AGBL1: variants seen among roughly 807,000 people sequenced by gnomAD.
AGBL1 encodes the protein AGBL carboxypeptidase 1.
Under a neutral mutation model 118.9 loss-of-function variants are expected in AGBL1, and 130 were observed. The ratio of observed to expected loss-of-function variants is 1.09; its 90% CI spans 0.95 to 1.26. The LOEUF (loss-of-function observed/expected upper bound fraction) is 1.26, where lower values mean the gene tolerates loss of function less well. Among genes scored for constraint, AGBL1 ranks in the 50% most tolerant of loss-of-function variants. The pLI is 0.00. For missense variants in AGBL1, 1,584 were observed against 1,298.1 expected (o/e 1.22, Z -3.38); for synonymous variants, 555 against 478.9 (o/e 1.16, Z -2.08).
intron 22 of AGBL1, among the ~76,000 whole-genome samples, chr15:86,757,644 G>A (rs910212237): frequency 1.4e-4 from 21 of 152,200 alleles, no homozygotes; most frequent in African/African-American, 5.1e-4. Flanking sequence ...ATGACAAATG[G>A]TCTTGTCTCT....
chr15:86,801,554 A>G (rs1338693427), intron 22 of AGBL1, among the ~76,000 whole-genome samples: 1 of 152,104 alleles, frequency 6.6e-6, no homozygotes, highest in Non-Finnish European at 1.5e-5. Context: ...GAAGTCTCAT[A>G]AAGGAAGATA....
At chr15:86,814,848 AG>A (rs1432547529) in intron 22 of AGBL1, among the ~76,000 whole-genome samples, 1 of 152,204 alleles carries the variant, frequency 6.6e-6, no homozygotes, top group Non-Finnish European at 1.5e-5. Flanking sequence ...TCTGTAAAGT[AG>A]AGGTTAAAAA....
At position 86,240,072 on chromosome 15, in the gene AGBL1, T is replaced by C. The variant is rs529265461; in HGVS notation, c.527-7599T>C. Among the ~76,000 whole-genome samples the C allele has an allele frequency of 1.1e-4, 17 of 152,316 alleles. No individual in the cohort carries two copies. The East Asian group carries it at 3.1e-3, about 28-fold the overall frequency. On this transcript the variant is annotated intron_variant, in intron 6 of 22. Coordinates refer to ENST00000614907, the MANE Select transcript of AGBL1 (RefSeq NM_001386094.1). ...TTGGAGTCAGATGAGGGGATTTCAT[T>C]TGAATCCTAGATATGCCACTTATAA...
chr15:86,817,785 G>T (rs1052875477), intron 22 of AGBL1, among the ~76,000 whole-genome samples: 3 of 152,042 alleles, frequency 2.0e-5, no homozygotes, highest in African/African-American at 4.8e-5. Flanking sequence ...TGCAAACAGG[G>T]TCTTTGCAGA....
intron 23 of AGBL1, among the ~76,000 whole-genome samples, chr15:86,983,453 T>G (rs2050113993): frequency 6.6e-6 from 1 of 152,184 alleles, no homozygotes; most frequent in Admixed American, 6.5e-5. Context: ...TATGACCTGG[T>G]GATGAAATAT....
intron 23 of AGBL1, among the ~76,000 whole-genome samples, chr15:86,976,821 C>T (rs972341270): frequency 2.0e-5 from 3 of 151,854 alleles, no homozygotes; most frequent in Admixed American, 6.6e-5. Flanking sequence ...TTCGTATATA[C>T]GCATATTCAC....
downstream of AGBL1, among the ~76,000 whole-genome samples, chr15:87,029,770 C>G (rs572545385): frequency 5.1e-4 from 77 of 151,894 alleles, no homozygotes; most frequent in African/African-American, 1.8e-3. Context: ...CTCACAACAG[C>G]TAATAAATGG....
chr15:86,913,046 G>A lies in AGBL1; in HGVS notation c.*5752G>A, dbSNP rs985268019. On this transcript the variant is annotated 3_prime_UTR_variant, in exon 23 of 23. Coordinates refer to ENST00000614907, the MANE Select transcript of AGBL1 (RefSeq NM_001386094.1). The stretch of plus-strand genomic sequence containing the variant: ...AAAAGAAAAAATAGAGTGGTAAAAG[G>A]GAATTTTGAGATAAAAATGGATTCT... 2 of 152,012 alleles carry A rather than the reference G, an allele frequency of 1.3e-5. No individual in the cohort carries two copies. 9.4% of individuals were successfully genotyped at this position (152,012 alleles called of 1,614,324 possible).
intron 17 of AGBL1, among the ~76,000 whole-genome samples, chr15:86,396,262 T>TATAC (rs1491267593): frequency 6.8e-4 from 93 of 137,056 alleles, no homozygotes; most frequent in African/African-American, 2.4e-3. Context: ...TATATATATA[T>TATAC]ACACACACAC....
At chr15:86,364,186 C>T (rs2080845221) in intron 17 of AGBL1, among the ~76,000 whole-genome samples, 2 of 152,106 alleles carry the variant, frequency 1.3e-5, no homozygotes, top group African/African-American at 4.8e-5. Flanking sequence ...AAATTAAATA[C>T]AGTGTGAAAT....
At position 86,515,510 on chromosome 15, in the gene AGBL1, C is replaced by A. The variant is rs139113601; in HGVS notation, c.2556-7300C>A. Among the ~76,000 whole-genome samples the A allele has an allele frequency of 2.6e-3, 401 of 152,106 alleles. 4 individuals are homozygous for A. The highest frequency in any genetic ancestry group is 9.1e-3 in the African/African-American group (376 of 41,514). ...ATTATTATAAAAATAATAATTAGTT[C>A]TTGATTTTTAAACATTGTCTTTTAT... On this transcript the variant is annotated intron_variant, in intron 18 of 22. Transcript: ENST00000614907.
chr15:86,699,099 AT>A (rs570294766), intron 22 of AGBL1, among the ~76,000 whole-genome samples: 1 of 151,732 alleles, frequency 6.6e-6, no homozygotes, highest in Non-Finnish European at 1.5e-5. Context: ...TGCCTTTCAT[AT>A]TTTTTTTAGT....
Position 86,224,917 on chromosome 15 carries a change from A to C in AGBL1, c.492A>C (p.Ala164=), listed in dbSNP as rs2078336172. ...YTRKRTQAIR[A]ATEVLAALLK... Reference sequence around the variant, plus strand: ...ACTTTTCTTTCTCTTTCCCCAGGGCAGCCACTGAAGTTTTGGCAGCATTGC... The same window carrying C: ...ACTTTTCTTTCTCTTTCCCCAGGGCCGCCACTGAAGTTTTGGCAGCATTGC... Residue 164 remains alanine (A), a synonymous_variant, in exon 6 of 23, where the codon GCA becomes GCC. Coordinates refer to ENST00000614907, the MANE Select transcript of AGBL1 (RefSeq NM_001386094.1). The C allele has an allele frequency of 6.2e-6, 10 of 1,613,442 alleles. No individual in the cohort carries two copies. The highest frequency in any genetic ancestry group is 5.1e-6 in the Non-Finnish European group (6 of 1,179,540).
chr15:86,089,926 C>T (rs1416588060), intron 1 of AGBL1, among the ~76,000 whole-genome samples: 1 of 152,166 alleles, frequency 6.6e-6, no homozygotes, highest in Non-Finnish European at 1.5e-5. Context: ...TAAATTTTTG[C>T]ACTGCAGAAG....
chr15:86,282,203 A>G (rs2079365757), intron 16 of AGBL1, among the ~76,000 whole-genome samples: 1 of 152,110 alleles, frequency 6.6e-6, no homozygotes, highest in Non-Finnish European at 1.5e-5. Context: ...CAATGAGGAG[A>G]AGATTTCATG....
At chr15:86,682,966 A>C (rs1032709978) in intron 22 of AGBL1, among the ~76,000 whole-genome samples, 2 of 152,166 alleles carry the variant, frequency 1.3e-5, no homozygotes, top group African/African-American at 2.4e-5. Context: ...AAATGTCATG[A>C]CTATATTTAA....
chr15:86,777,375 C>T (rs1201677051), intron 22 of AGBL1, among the ~76,000 whole-genome samples: 2 of 151,972 alleles, frequency 1.3e-5, no homozygotes, highest in East Asian at 1.9e-4. Context: ...AATTCATACT[C>T]TTTCTCTTGT....
chr15:86,770,807 C>T (rs11857336), intron 22 of AGBL1, among the ~76,000 whole-genome samples: 63,887 of 151,784 alleles, frequency 0.42, 14,576 homozygotes, highest in African/African-American at 0.6. Context: ...ACACAGGAAG[C>T]AACTAGGATT....
chr15:86,433,107 A>G (rs1367197737), intron 18 of AGBL1, among the ~76,000 whole-genome samples: 1 of 152,136 alleles, frequency 6.6e-6, no homozygotes, highest in East Asian at 1.9e-4. Context: ...TGGATGCAGG[A>G]GCCAAAGGTC....
Sources: gnomAD v4.1 joint callset for allele counts (sites outside exome capture counted in the v4.1 genomes callset) on GRCh38, gnomAD v4.1.1 for gene constraint, MANE v1.5 for transcripts, NCBI Gene and HGNC (gene_info 2026-07-23, HGNC 2026-07-21) for gene names.